KANK1: variants seen among roughly 807,000 people sequenced by gnomAD.
The protein encoded by KANK1 is KN motif and ankyrin repeat domain-containing protein 1.
A neutral mutation model predicts 106.2 loss-of-function variants in KANK1; 109 were observed. The ratio of observed to expected loss-of-function variants is 1.03; its 90% CI spans 0.88 to 1.20. KANK1 has a LOEUF of 1.20. Among genes scored for constraint, KANK1 ranks in the 50% most tolerant of loss-of-function variants. KANK1 has a pLI of 0.00. For missense variants in KANK1, 2,399 were observed against 1,710.7 expected (o/e 1.40, Z -7.10); for synonymous variants, 873 against 652.2 (o/e 1.34, Z -5.16).
intron 1 of KANK1, among the ~76,000 whole-genome samples, chr9:521,269 G>A (rs2059537143): frequency 6.6e-6 from 1 of 151,694 alleles, no homozygotes; most frequent in African/African-American, 2.4e-5. Flanking sequence ...ATTTCTGCAT[G>A]TTCACCCTCA....
At chr9:744,677 ATTTTATG>A in intron 11 of KANK1, 88 bp downstream of exon 11, 1 of 1,609,050 alleles carries the variant, frequency 6.2e-7, no homozygotes, top group Non-Finnish European at 8.5e-7. Flanking sequence ...CGGGAGACAG[ATTTTATG>A]TTGATTCAGA....
At chr9:572,693 G>A (rs376487139) in intron 1 of KANK1, among the ~76,000 whole-genome samples, 2 of 152,100 alleles carry the variant, frequency 1.3e-5, no homozygotes, top group East Asian at 1.9e-4. Context: ...ACCATGTCCA[G>A]CCCTACTTTT....
At chr9:734,992 G>T (rs1242675381) in intron 7 of KANK1, among the ~76,000 whole-genome samples, 157 bp downstream of exon 7, 1 of 152,102 alleles carries the variant, frequency 6.6e-6, no homozygotes, top group East Asian at 1.9e-4. Context: ...ATGTGGTCTT[G>T]CTCCCTGGAT....
At chr9:695,269 G>A (rs1820953717) in intron 2 of KANK1, among the ~76,000 whole-genome samples, 1 of 152,174 alleles carries the variant, frequency 6.6e-6, no homozygotes, top group African/African-American at 2.4e-5. Flanking sequence ...CTTCGGGAGA[G>A]CTGCAGAATG....
chr9:711,318 G>C lies in KANK1; in HGVS notation c.552G>C (p.Leu184=). ...CGGGTGAGTTCAGAAGGCCCAGGCT[G>C]GCCAGTTTTGGAGGCATGGGCACCA... The part of the protein sequence containing the change: ...MTPGEFRRPR[L]ASFGGMGTTS... Residue 184 remains leucine, a synonymous_variant, in exon 3 of 12, where the codon CTG becomes CTC. Coordinates refer to ENST00000382297, the MANE Select transcript of KANK1 (RefSeq NM_015158.5). 6.2e-7 allele frequency: 1 copy of C among 1,614,140 alleles called. No homozygotes were observed. Among genetic ancestry groups the C allele is most frequent in the South Asian group, 1.1e-5 (1 of 91,078 alleles).
At chr9:499,668 C>A (rs531822504) in intron 3 of KANK1, among the ~76,000 whole-genome samples, 6 of 152,234 alleles carry the variant, frequency 3.9e-5, no homozygotes, top group African/African-American at 1.4e-4. Flanking sequence ...CAGGAAAAGC[C>A]CTGAGGAGCA....
intron 3 of KANK1, among the ~76,000 whole-genome samples, chr9:481,253 A>G (rs1358328094): frequency 2.0e-5 from 3 of 152,162 alleles, no homozygotes; most frequent in Non-Finnish European, 4.4e-5. Context: ...AAGTCAAACC[A>G]TTGTAAGTTG....
chr9:540,830 A>G (rs990119993), intron 1 of KANK1, among the ~76,000 whole-genome samples: 9 of 152,328 alleles, frequency 5.9e-5, no homozygotes, highest in Middle Eastern at 3.4e-3. Flanking sequence ...GTAGTATCTT[A>G]TATAATCCTT....
intron 1 of KANK1, chr9:547,376 T>A (rs1033101241): frequency 2.6e-5 from 4 of 152,238 alleles, no homozygotes; most frequent in Non-Finnish European, 5.9e-5. Context: ...TTTTCTGTTT[T>A]CAGAAATATT....
chr9:535,594 G>A (rs545265309), intron 1 of KANK1, among the ~76,000 whole-genome samples: 4 of 152,280 alleles, frequency 2.6e-5, no homozygotes, highest in South Asian at 2.1e-4. Flanking sequence ...TACTCTCAGC[G>A]TGAGATGAAA....
intron 1 of KANK1, among the ~76,000 whole-genome samples, chr9:531,206 A>T (rs980357149): frequency 6.6e-6 from 1 of 152,244 alleles, no homozygotes; most frequent in African/African-American, 2.4e-5. Flanking sequence ...TGGGAAGCCC[A>T]TGCAGGAGGA....
chr9:517,579 G>A (rs2059341666), intron 1 of KANK1, among the ~76,000 whole-genome samples: 1 of 151,428 alleles, frequency 6.6e-6, no homozygotes, highest in African/African-American at 2.4e-5. Context: ...AATCCTATGT[G>A]CCTATAGAGC....
rs867772201 is a variant in KANK1, at chr9:510,696, A to G, written c.-84+5942A>G. 2.6e-5 allele frequency among the ~76,000 whole-genome samples: 4 copies of G among 152,338 alleles called. No homozygotes were observed. In the South Asian group the frequency reaches 6.2e-4, roughly 24 times the overall value. ...ATTCTTTTTCTGGAAGATACCGAAA[A>G]TAAATGAACTAATATATAGGCCGAA... On this transcript the variant is annotated intron_variant, in intron 1 of 11. Transcript: ENST00000382297.
chr9:624,087 A>G (rs1206915598), intron 1 of KANK1, among the ~76,000 whole-genome samples: 1 of 152,222 alleles, frequency 6.6e-6, no homozygotes, highest in East Asian at 1.9e-4. Flanking sequence ...AACAACATGG[A>G]TGAACCTGGA....
Position 738,517 on chromosome 9 carries a change from C to T in KANK1, c.3553+13C>T, listed in dbSNP as rs1589323567. On this transcript the variant is annotated intron_variant, in intron 8 of 11. Transcript: ENST00000382297. The stretch of plus-strand genomic sequence containing the variant: ...CTGTTAGATGCCGGTATGTTGGCTG[C>T]CCTTCCACCCTCTCTTCTCTAACAG... The T allele has an allele frequency of 6.3e-7, 1 of 1,594,046 alleles. No individual in the cohort carries two copies. The highest frequency in any genetic ancestry group is 8.6e-7 in the Non-Finnish European group (1 of 1,161,716).
rs946356594 is a variant in KANK1 at position 669,568 on chromosome 9, C to T, written c.-83-7322C>T. Among the ~76,000 whole-genome samples the T allele has an allele frequency of 9.2e-5, 14 of 152,088 alleles. No individual in the cohort carries two copies. In the South Asian group the frequency reaches 1.2e-3, roughly 14 times the overall value. Reference sequence around the variant, plus strand: ...TATCATTCCACTTCCTCCTGACTTACGGTTTCCATTGAGAAGTGTGTTGCC... The same window carrying T: ...TATCATTCCACTTCCTCCTGACTTATGGTTTCCATTGAGAAGTGTGTTGCC... On this transcript the variant is annotated intron_variant, in intron 1 of 11. Coordinates refer to ENST00000382297, the MANE Select transcript of KANK1 (RefSeq NM_015158.5).
chr9:699,893 G>C (rs1047284109), intron 2 of KANK1, among the ~76,000 whole-genome samples: 3 of 152,180 alleles, frequency 2.0e-5, no homozygotes, highest in Non-Finnish European at 2.9e-5. Context: ...GAGGCAGGAG[G>C]ATCGCTTGAG....
chr9:569,718 C>A (rs1818696822), intron 1 of KANK1, among the ~76,000 whole-genome samples: 1 of 152,118 alleles, frequency 6.6e-6, no homozygotes, highest in East Asian at 1.9e-4. Context: ...CAGAAGTTTA[C>A]TTCTCTGGTT....
At chr9:507,487 T>G (rs560889440) in intron 1 of KANK1, among the ~76,000 whole-genome samples, 189 of 152,178 alleles carry the variant, frequency 1.2e-3, no homozygotes, top group Non-Finnish European at 2.3e-3. Context: ...CCTCCCAGGT[T>G]TAAGCGATTC....
Sources: allele counts gnomAD v4.1 joint callset (sites outside exome capture counted in the v4.1 genomes callset), GRCh38; gene constraint gnomAD v4.1.1; transcripts MANE v1.5; gene names NCBI Gene and HGNC (gene_info 2026-07-23, HGNC 2026-07-21).